The following CERS5 variants were observed in gnomAD, a reference collection of about 807,000 sequenced individuals.
CERS5 encodes the protein LAG1 homolog, ceramide synthase 5.
A neutral mutation model predicts 58.9 loss-of-function variants in CERS5; 37 were observed. That is an observed-to-expected ratio of 0.63 (90% CI 0.48 to 0.83). The LOEUF (loss-of-function observed/expected upper bound fraction) is 0.83. Ranked by LOEUF, CERS5 falls within the 40% of genes least tolerant of loss-of-function variation. CERS5 has a pLI of 0.00. For synonymous variants in CERS5, 147 were observed against 177.8 expected (o/e 0.83, Z 1.38); for missense variants, 398 against 489.3 (o/e 0.81, Z 1.76).
intron 1 of CERS5, chr12:50,144,747 T>C: frequency 6.9e-7 from 1 of 1,447,070 alleles, no homozygotes; most frequent in Non-Finnish European, 9.4e-7. Context: ...ATAAGGCATA[T>C]AAACTTGGTA....
chr12:50,149,732 T>C (rs369713646), intron 1 of CERS5, among the ~76,000 whole-genome samples: 1 of 152,024 alleles, frequency 6.6e-6, no homozygotes, highest in African/African-American at 2.4e-5. Context: ...ATAATGCAAA[T>C]GTTATTTATG....
chr12:50,146,853 A>G (rs1952306659), intron 1 of CERS5, among the ~76,000 whole-genome samples: 1 of 151,790 alleles, frequency 6.6e-6, no homozygotes, highest in South Asian at 2.1e-4. Context: ...TCTCAAAAAA[A>G]AAAAAAAAAA....
chr12:50,164,219 CAA>C (rs1366375843), intron 1 of CERS5, among the ~76,000 whole-genome samples: 1 of 151,940 alleles, frequency 6.6e-6, no homozygotes, highest in Non-Finnish European at 1.5e-5. Context: ...CTCGGCCTCC[CAA>C]AGTGCTGGGA....
At chr12:50,162,236 A>C (rs569354609) in intron 1 of CERS5, among the ~76,000 whole-genome samples, 2 of 150,098 alleles carry the variant, frequency 1.3e-5, no homozygotes, top group African/African-American at 4.9e-5. Context: ...AACAGGAAAT[A>C]AATTTGTTCT....
chr12:50,141,466 T>C (rs1951966782), intron 4 of CERS5, among the ~76,000 whole-genome samples: 1 of 152,212 alleles, frequency 6.6e-6, no homozygotes, highest in Non-Finnish European at 1.5e-5. Context: ...TCAAGTGCTT[T>C]GTAAACCATT....
At chr12:50,160,550 T>G (rs1939171504) in intron 1 of CERS5, among the ~76,000 whole-genome samples, 2 of 152,084 alleles carry the variant, frequency 1.3e-5, no homozygotes, top group Admixed American at 6.6e-5. Flanking sequence ...CTCAGCTATC[T>G]CCTGTATAAT....
At chr12:50,151,619 GCA>G (rs2138179574) in intron 1 of CERS5, among the ~76,000 whole-genome samples, 1 of 152,270 alleles carries the variant, frequency 6.6e-6, no homozygotes, top group South Asian at 2.1e-4. Flanking sequence ...TTCAAGCTTA[GCA>G]CTTAGAACAA....
At chr12:50,138,503 G>A in intron 5 of CERS5, 64 bp downstream of exon 5, 1 of 1,341,220 alleles carries the variant, frequency 7.5e-7, no homozygotes. Flanking sequence ...ACTGGCAAAG[G>A]ACCCTCACTC....
intron 1 of CERS5, among the ~76,000 whole-genome samples, chr12:50,160,744 A>G (rs1371445849): frequency 6.6e-6 from 1 of 152,240 alleles, no homozygotes; most frequent in Non-Finnish European, 1.5e-5. Context: ...ATTCAGTTTA[A>G]GTCAGATCCA....
Position 50,142,130 on chromosome 12 carries a change from A to C in CERS5, c.435-20T>G, listed in dbSNP as rs985860421. On this transcript the variant is annotated intron_variant, in intron 3 of 9. Coordinates refer to ENST00000317551, the MANE Select transcript of CERS5 (RefSeq NM_147190.5). Reference sequence around the variant, plus strand: ...CTCCACCTGGGTGGGCAAAGAGTAAAGGTTAGACAAATGTCCACTCAAACC... The same window carrying C: ...CTCCACCTGGGTGGGCAAAGAGTAACGGTTAGACAAATGTCCACTCAAACC... The C allele has an allele frequency of 3.2e-6, 5 of 1,552,598 alleles. No homozygotes were observed. The highest frequency in any genetic ancestry group is 4.4e-6 in the Non-Finnish European group (5 of 1,130,178).
At position 50,143,009 on chromosome 12, in the gene CERS5, G is replaced by C. The variant is rs1371908872; in HGVS notation, c.434+65C>G. ...AACAACAGAAGTGATGTTCAAAACA[G>C]AAACTTCAGTCCAGTTGTATCCCAC... On this transcript the variant is annotated intron_variant, in intron 3 of 9. Transcript: ENST00000317551. The C allele has an allele frequency of 3.3e-6, 5 of 1,502,694 alleles. No homozygotes were observed. The Admixed American group carries it at 8.4e-5, about 25-fold the overall frequency. The allele number at this position is 1,502,694 out of a possible 1,614,324, so 93.1% of individuals were successfully genotyped here.
intron 9 of CERS5, 183 bp downstream of exon 9, chr12:50,134,363 G>T (rs764248077): frequency 2.0e-6 from 3 of 1,498,626 alleles, no homozygotes; most frequent in Admixed American, 2.1e-5. Flanking sequence ...GACAGAGCAA[G>T]ACCTTGTCTC....
At chr12:50,160,019 T>C (rs1189123616) in intron 1 of CERS5, among the ~76,000 whole-genome samples, 1 of 151,998 alleles carries the variant, frequency 6.6e-6, no homozygotes, top group Non-Finnish European at 1.5e-5. Context: ...CAATTAAAAA[T>C]TGAGACCAGG....
At chr12:50,130,767 G>A (rs1245078057) in intron 9 of CERS5, 73 bp from the exon 10 acceptor site, 5 of 1,389,316 alleles carry the variant, frequency 3.6e-6, no homozygotes, top group Non-Finnish European at 4.9e-6. Flanking sequence ...AGACCCAGGT[G>A]TGGGCACTGT....
intron 1 of CERS5, among the ~76,000 whole-genome samples, chr12:50,155,948 C>T (rs1938548148): frequency 1.4e-5 from 2 of 147,450 alleles, no homozygotes; most frequent in Middle Eastern, 3.9e-3. Flanking sequence ...ACTAAAAATA[C>T]AAAAATTAGC....
intron 9 of CERS5, chr12:50,133,507 TGGTGGC>T: frequency 1.0e-6 from 1 of 989,758 alleles, no homozygotes; most frequent in Non-Finnish European, 1.2e-6. Flanking sequence ...GGTCACCTTG[TGGTGGC>T]TTGTGAACTA....
At chr12:50,162,275 T>TTAAA (rs1198570792) in intron 1 of CERS5, among the ~76,000 whole-genome samples, 1 of 150,750 alleles carries the variant, frequency 6.6e-6, no homozygotes, top group Non-Finnish European at 1.5e-5. Flanking sequence ...GAACAAGAGG[T>TTAAA]TAAATCTTAA....
intron 1 of CERS5, among the ~76,000 whole-genome samples, chr12:50,164,848 C>G (rs1038454568): frequency 2.6e-5 from 4 of 152,192 alleles, no homozygotes; most frequent in Admixed American, 2.6e-4. Flanking sequence ...AGCAACAAAA[C>G]TATTTCCTCT....
intron 1 of CERS5, among the ~76,000 whole-genome samples, chr12:50,163,982 C>T (rs1939593114): frequency 8.2e-6 from 1 of 122,526 alleles, no homozygotes; most frequent in Admixed American, 9.4e-5. Flanking sequence ...TTTTTTGAGA[C>T]AGAGTTTTCC....
Sources: gnomAD v4.1 joint callset for allele counts (sites outside exome capture counted in the v4.1 genomes callset) on GRCh38, gnomAD v4.1.1 for gene constraint, MANE v1.5 for transcripts, NCBI Gene and HGNC (gene_info 2026-07-23, HGNC 2026-07-21) for gene names.